The following TIMM23B variants were observed in gnomAD, a reference collection of about 807,000 sequenced individuals.
TIMM23B encodes the protein mitochondrial import inner membrane translocase subunit Tim23B.
TIMM23B carries 27 observed loss-of-function variants against 27.3 expected under a neutral mutation model. The ratio of observed to expected loss-of-function variants is 0.99; its 90% CI spans 0.73 to 1.36. The LOEUF is 1.36. Among genes scored for constraint, TIMM23B ranks in the 40% most tolerant of loss-of-function variants. The pLI is 0.00. For synonymous variants in TIMM23B, 73 were observed against 92.4 expected (o/e 0.79, Z 1.21); for missense variants, 205 against 244.2 (o/e 0.84, Z 1.07).
chr10:49,958,474 T>A lies in TIMM23B; in HGVS notation c.508T>A (p.Cys170Ser), dbSNP rs1173754703. The A allele has an allele frequency of 6.2e-7, 1 of 1,612,262 alleles. No homozygotes were observed. The highest frequency in any genetic ancestry group is 1.3e-5 in the African/African-American group (1 of 74,888). ...AGTMTGMLYKCTVSEMALDSP... is the reference protein window; with the variant it reads ...AGTMTGMLYKSTVSEMALDSP... ...AACCATGACAGGCATGTTGTATAAATGTACAGGTGAGTACTGTTGAATGGG... is the reference window on the plus strand; with the variant it reads ...AACCATGACAGGCATGTTGTATAAAAGTACAGGTGAGTACTGTTGAATGGG... The change falls in exon 6 of 7, where the codon TGT becomes AGT. Residue 170 changes from cysteine to serine, a missense_variant. By Grantham distance (112) the Cys-to-Ser change is moderately radical. Transcript: ENST00000651259.
At chr10:49,950,409 T>C (rs1242094407) in intron 2 of TIMM23B, among the ~76,000 whole-genome samples, 1 of 151,936 alleles carries the variant, frequency 6.6e-6, no homozygotes, top group Non-Finnish European at 1.5e-5. Flanking sequence ...TGTGTGTGAA[T>C]TGATGGATGT....
At chr10:49,957,858 T>C (rs1839777091) in intron 5 of TIMM23B, among the ~76,000 whole-genome samples, 1 of 152,242 alleles carries the variant, frequency 6.6e-6, no homozygotes, top group Non-Finnish European at 1.5e-5. Context: ...ACTAATAGAC[T>C]GGGCACAGAA....
chr10:49,970,082 G>A (rs1237474116), intron 6 of TIMM23B: 6 of 159,026 alleles, frequency 3.8e-5, no homozygotes, highest in South Asian at 1.5e-4. Flanking sequence ...ATGGAGTCTC[G>A]TTCACTCAGT....
At chr10:49,959,850 G>A (rs1839839669) in intron 6 of TIMM23B, among the ~76,000 whole-genome samples, 1 of 151,830 alleles carries the variant, frequency 6.6e-6, no homozygotes, top group Non-Finnish European at 1.5e-5. Context: ...CTGGGATCAA[G>A]CAGTTCTCCC....
rs1352190064 is a variant in TIMM23B, at chr10:49,958,372, T to A, written c.406T>A (p.Leu136Met). The change falls in exon 6 of 7, where the codon TTG (leucine) becomes ATG (methionine). Residue 136 changes from leucine to methionine, a missense_variant and splice_region_variant. Physicochemically the swap from Leu to Met is conservative, Grantham distance 15 (BLOSUM62 2). Transcript: ENST00000651259. ...LWANTLGSLA[L>M]LYSAFGVIIE... ...GAGCACTTCCATTTCCTCTTTAGCG[T>A]TGCTCTATAGTGCATTTGGTGTCAT... is the stretch of plus-strand genomic sequence containing the variant. 1.1e-5 allele frequency: 18 copies of A among 1,613,864 alleles called. No individual in the cohort carries two copies. The African/African-American group carries it at 2.1e-4, about 19-fold the overall frequency.
intron 2 of TIMM23B, among the ~76,000 whole-genome samples, chr10:49,947,913 G>C (rs1438187441): frequency 6.6e-6 from 1 of 152,190 alleles, no homozygotes; most frequent in Non-Finnish European, 1.5e-5. Flanking sequence ...GGGTGACAGA[G>C]AGAGACTTTG....
At chr10:49,963,879 C>T (rs1433548876) in intron 6 of TIMM23B, among the ~76,000 whole-genome samples, 1 of 152,034 alleles carries the variant, frequency 6.6e-6, no homozygotes, top group African/African-American at 2.4e-5. Context: ...AGAGGAGAAT[C>T]GCTTGAACCC....
chr10:49,951,115 A>G (rs1839515150), intron 2 of TIMM23B, among the ~76,000 whole-genome samples: 1 of 152,184 alleles, frequency 6.6e-6, no homozygotes, highest in Admixed American at 6.5e-5. Flanking sequence ...ATGTGATGAG[A>G]GTGGATGTGT....
Position 49,972,986 on chromosome 10 carries a change from G to T in TIMM23B, c.515-26G>T, listed in dbSNP as rs1172281890. ...TGTTCATTTCTTGATAATATGTTTG[G>T]TTATTTTTGTTTTCATTGCTTTTAG... On this transcript the variant is annotated intron_variant, in intron 6 of 6. Transcript: ENST00000651259. 3 of 1,276,898 alleles carry T rather than the reference G, an allele frequency of 2.3e-6. No individual in the cohort carries two copies. The African/African-American group carries it at 4.5e-5, about 19-fold the overall frequency. The allele number at this position is 1,276,898 out of a possible 1,614,324, so 79.1% of individuals were successfully genotyped here.
At chr10:49,950,773 C>A (rs1839504415) in intron 2 of TIMM23B, among the ~76,000 whole-genome samples, 1 of 152,070 alleles carries the variant, frequency 6.6e-6, no homozygotes, top group East Asian at 1.9e-4. Flanking sequence ...AACTCCTGAG[C>A]TCTGGCAGTC....
In TIMM23B at chr10:49,971,456, A is replaced by G. The variant is rs200861432; in HGVS notation, c.515-1556A>G. ...TAATTATTTTAAAACAAACAAAAAA[A>G]GAGAATGTAAGCAGTATAAGACTTT... On this transcript the variant is annotated intron_variant, in intron 6 of 6. Transcript: ENST00000651259. Among the ~76,000 whole-genome samples the G allele has an allele frequency of 1.3e-4, 20 of 152,250 alleles. 1 individual carries two copies. The East Asian group carries it at 3.7e-3, about 28-fold the overall frequency.
At chr10:49,966,412 G>A (rs1236372476) in intron 6 of TIMM23B, among the ~76,000 whole-genome samples, 1 of 151,930 alleles carries the variant, frequency 6.6e-6, no homozygotes, top group East Asian at 1.9e-4. Context: ...ATAATGAAAT[G>A]CTGGGTGCAA....
chr10:49,964,545 T>G (rs561320301), intron 6 of TIMM23B, among the ~76,000 whole-genome samples: 2 of 150,744 alleles, frequency 1.3e-5, no homozygotes, highest in African/African-American at 4.9e-5. Context: ...GGAGTCTCCG[T>G]CTCGAAATGA....
chr10:49,968,664 C>T (rs1457406631), intron 6 of TIMM23B, among the ~76,000 whole-genome samples: 1 of 152,146 alleles, frequency 6.6e-6, no homozygotes, highest in Non-Finnish European at 1.5e-5. Context: ...GAAACCCCGT[C>T]TCTACTGAAA....
At chr10:49,955,731 G>A (rs1839695001) in intron 5 of TIMM23B, among the ~76,000 whole-genome samples, 1 of 152,156 alleles carries the variant, frequency 6.6e-6, no homozygotes, top group Non-Finnish European at 1.5e-5. Context: ...AGATTAAGGA[G>A]GGGAAGACAT....
chr10:49,949,270 C>A (rs2133057079), intron 2 of TIMM23B, among the ~76,000 whole-genome samples: 1 of 145,166 alleles, frequency 6.9e-6, no homozygotes, highest in South Asian at 2.2e-4. Flanking sequence ...CTAACGGCAT[C>A]TGACAGCTGC....
chr10:49,949,327 G>T (rs1481788542), intron 2 of TIMM23B, among the ~76,000 whole-genome samples: 5 of 151,282 alleles, frequency 3.3e-5, no homozygotes, highest in Admixed American at 6.6e-5. Context: ...CAAGTTGATG[G>T]TTCGGACCTT....
intron 6 of TIMM23B, among the ~76,000 whole-genome samples, chr10:49,967,612 A>G (rs1414767185): frequency 2.0e-5 from 3 of 151,726 alleles, no homozygotes; most frequent in Non-Finnish European, 2.9e-5. Context: ...CATAGAATTA[A>G]TGAGTATTCT....
intron 6 of TIMM23B, chr10:49,970,426 GC>G (rs781851412): frequency 0.028 from 4,651 of 166,926 alleles, 85 homozygotes; most frequent in Middle Eastern, 0.059. Context: ...GATGTGAGGA[GC>G]GCCTCTGCCT....
Sources: allele counts gnomAD v4.1 joint callset (sites outside exome capture counted in the v4.1 genomes callset), GRCh38; gene constraint gnomAD v4.1.1; transcripts MANE v1.5; gene names NCBI Gene and HGNC (gene_info 2026-07-23, HGNC 2026-07-21).